The following NTRK3 variants were observed in gnomAD, a reference collection of about 807,000 sequenced individuals.
NTRK3 encodes the protein NT-3 growth factor receptor.
A neutral mutation model predicts 91.7 loss-of-function variants in NTRK3; 24 were observed. The observed-to-expected ratio is 0.26, with a 90% confidence interval of 0.19 to 0.37. NTRK3 has a LOEUF of 0.37. NTRK3 is among the 10% of genes least tolerant of loss of function. The pLI is 1.00. For synonymous variants in NTRK3, 483 were observed against 404.0 expected (o/e 1.20, Z -2.34); for missense variants, 880 against 1,068.9 (o/e 0.82, Z 2.46).
intron 6 of NTRK3, among the ~76,000 whole-genome samples, chr15:88,144,321 C>A (rs1044357902): frequency 1.3e-5 from 2 of 152,160 alleles, no homozygotes; most frequent in African/African-American, 4.8e-5. Context: ...GAGGTACGCC[C>A]CCCTGGACAG....
rs987294648 is a variant in NTRK3, at chr15:88,150,532, C to A, written c.396-3129G>T. On this transcript the variant is annotated intron_variant, in intron 5 of 18. Coordinates refer to ENST00000394480, the Ensembl canonical transcript of NTRK3. ...GCTTCATCTCCCCCTTGCCCCTCCC[C>A]CACCCATCAAGCCCCACCTGGATTC... Among the ~76,000 whole-genome samples the A allele has an allele frequency of 2.6e-5, 4 of 152,244 alleles. No individual in the cohort carries two copies. The East Asian group carries it at 7.8e-4, about 30-fold the overall frequency.
At chr15:88,178,488 T>A (rs2046194361) in intron 5 of NTRK3, among the ~76,000 whole-genome samples, 1 of 152,186 alleles carries the variant, frequency 6.6e-6, no homozygotes, top group African/African-American at 2.4e-5. Context: ...ACATTCTCCA[T>A]CTTTTACCCC....
chr15:88,067,636 G>A (rs901327908), intron 13 of NTRK3, among the ~76,000 whole-genome samples: 2 of 152,192 alleles, frequency 1.3e-5, no homozygotes, highest in Non-Finnish European at 2.9e-5. Context: ...GGAGGGGGCT[G>A]AAGGCTCTCT....
At chr15:87,863,813 A>C (rs1272860276) in exon 19 of NTRK3, 1 of 231,638 alleles carries the variant, frequency 4.3e-6, no homozygotes, top group Non-Finnish European at 8.5e-6. Flanking sequence ...TTTGGGTAAA[A>C]CTTTGCCATG....
At chr15:88,127,010 G>C in intron 12 of NTRK3, 152 bp downstream of exon 12, 2 of 724,380 alleles carry the variant, frequency 2.8e-6, no homozygotes, top group South Asian at 3.0e-5. Flanking sequence ...ATCCAACAAG[G>C]AAGGTTTAAA....
intron 7 of NTRK3, 78 bp downstream of exon 7, chr15:88,137,326 A>C: frequency 6.4e-7 from 1 of 1,558,140 alleles, no homozygotes; most frequent in South Asian, 1.1e-5. Context: ...TGGCATCCCA[A>C]GGTAACGTCC....
chr15:87,955,731 C>G (rs1338982549), intron 14 of NTRK3, among the ~76,000 whole-genome samples: 2 of 152,186 alleles, frequency 1.3e-5, no homozygotes, highest in African/African-American at 4.8e-5. Context: ...CCTAGTGGTA[C>G]TGGGCAGAAA....
intron 17 of NTRK3, among the ~76,000 whole-genome samples, chr15:87,894,709 C>T (rs2066021865): frequency 6.6e-6 from 1 of 152,200 alleles, no homozygotes; most frequent in African/African-American, 2.4e-5. Flanking sequence ...CCTTCTCCAA[C>T]TGTTGGTATG....
intron 3 of NTRK3, among the ~76,000 whole-genome samples, chr15:88,206,741 G>T (rs543304216): frequency 1.3e-5 from 2 of 151,268 alleles, no homozygotes; most frequent in South Asian, 4.2e-4. Context: ...CCTTACAGTG[G>T]CCAGGCGGGC....
chr15:88,086,663 T>C (rs1395074189), intron 13 of NTRK3, among the ~76,000 whole-genome samples: 1 of 152,204 alleles, frequency 6.6e-6, no homozygotes, highest in Non-Finnish European at 1.5e-5. Context: ...AAGCCCAGGC[T>C]GCATCCCAGA....
chr15:88,206,250 C>G (rs548872283), intron 3 of NTRK3, among the ~76,000 whole-genome samples: 86 of 149,992 alleles, frequency 5.7e-4, no homozygotes, highest in Admixed American at 2.6e-3. Context: ...GAGGCTGAGG[C>G]AGGAGAATAG....
At chr15:88,052,220 G>A (rs542402199) in intron 13 of NTRK3, among the ~76,000 whole-genome samples, 1 of 152,316 alleles carries the variant, frequency 6.6e-6, no homozygotes, top group African/African-American at 2.4e-5. Flanking sequence ...AGGACAGGAG[G>A]TAGCCTGCAC....
At chr15:87,916,259 G>A (rs2067437093) in intron 17 of NTRK3, 2 of 321,474 alleles carry the variant, frequency 6.2e-6, no homozygotes. Context: ...GAAGATATCT[G>A]TATGGAAATT....
At chr15:88,232,815 T>A (rs1434876904) in intron 3 of NTRK3, among the ~76,000 whole-genome samples, 1 of 152,196 alleles carries the variant, frequency 6.6e-6, no homozygotes, top group Non-Finnish European at 1.5e-5. Context: ...TCTTGCCTTG[T>A]GAGAGCTGGG....
rs764273562 is a variant in NTRK3 at position 88,032,897 on chromosome 15, C to T, written c.1545G>A (p.Gln515=). The change falls in exon 14 of 19, where the codon CAG becomes CAA. Residue 515 remains glutamine (Q), a synonymous_variant. Coordinates refer to ENST00000394480, the Ensembl canonical transcript of NTRK3. ...GGCAGTTGTGTCCCTGACGGAAGTA[C>T]TGGGGGTTCTCAATGACAGGGATGC... 13 of 1,613,684 alleles carry T rather than the reference C, an allele frequency of 8.1e-6. No individual in the cohort carries two copies. The African/African-American group carries it at 1.3e-4, about 17-fold the overall frequency.
intron 8 of NTRK3, among the ~76,000 whole-genome samples, 156 bp from the exon 9 acceptor site, chr15:88,136,196 C>T (rs1339799087): frequency 6.6e-6 from 1 of 152,242 alleles, no homozygotes; most frequent in Non-Finnish European, 1.5e-5. Context: ...CCAGGCTCCT[C>T]ATAGGCAATA....
intron 14 of NTRK3, among the ~76,000 whole-genome samples, chr15:87,969,366 T>C (rs2073069171): frequency 6.6e-6 from 1 of 152,100 alleles, no homozygotes; most frequent in African/African-American, 2.4e-5. Context: ...TTCCAGAAAT[T>C]GCGTCCCCCA....
intron 14 of NTRK3, among the ~76,000 whole-genome samples, chr15:88,030,873 A>T (rs958641254): frequency 1.3e-5 from 2 of 152,046 alleles, no homozygotes; most frequent in African/African-American, 4.8e-5. Context: ...TACTATAAAC[A>T]ACTACCTTTT....
At chr15:88,175,367 T>G (rs1047939908) in intron 5 of NTRK3, among the ~76,000 whole-genome samples, 1 of 146,664 alleles carries the variant, frequency 6.8e-6, no homozygotes, top group Non-Finnish European at 1.5e-5. Flanking sequence ...GAACACAGGA[T>G]AGACACAGAG....
Sources: allele counts gnomAD v4.1 joint callset (sites outside exome capture counted in the v4.1 genomes callset), GRCh38; gene constraint gnomAD v4.1.1; transcripts MANE v1.5; gene names NCBI Gene and HGNC (gene_info 2026-07-23, HGNC 2026-07-21).